Variants in NFIB observed in about 807,000 individuals in gnomAD.
The protein encoded by NFIB is nuclear factor 1 B-type.
NFIB carries 11 observed loss-of-function variants against 61.5 expected under a neutral mutation model. The observed-to-expected ratio is 0.18, with a 90% CI of 0.11 to 0.30. NFIB has a LOEUF of 0.30. Among genes scored for constraint, NFIB ranks in the 10% least tolerant of loss-of-function variants. The pLI, the probability that NFIB is intolerant of heterozygous loss-of-function variation, is 1.00. For missense variants in NFIB, 471 were observed against 608.9 expected, an observed-to-expected ratio of 0.77 and a Z score of 2.38; for synonymous variants, 260 against 216.5, an observed-to-expected ratio of 1.20 and a Z score of -1.76.
chr9:14,323,829 GT>G (rs2060718327), intron 1 of NFIB, among the ~76,000 whole-genome samples: 1 of 152,150 alleles, frequency 6.6e-6, no homozygotes, highest in Non-Finnish European at 1.5e-5. Context: ...CCAAAAAAAA[GT>G]TTTTTCCCCT....
At chr9:14,226,161 T>A (rs2052383486) in intron 2 of NFIB, among the ~76,000 whole-genome samples, 2 of 152,176 alleles carry the variant, frequency 1.3e-5, no homozygotes, top group Non-Finnish European at 2.9e-5. Context: ...ATTTATTCAT[T>A]GAGATACGGA....
At chr9:14,327,659 A>C (rs1025761745) in intron 1 of NFIB, among the ~76,000 whole-genome samples, 1 of 152,194 alleles carries the variant, frequency 6.6e-6, no homozygotes, top group Non-Finnish European at 1.5e-5. Flanking sequence ...AAAACCTTCA[A>C]ATAAACTCTA....
chr9:14,363,208 C>A (rs1268462408), intron 1 of NFIB, among the ~76,000 whole-genome samples: 1 of 152,022 alleles, frequency 6.6e-6, no homozygotes, highest in East Asian at 1.9e-4. Context: ...TACGGACACT[C>A]CCTCACCCCC....
chr9:14,230,552 C>A (rs373225593), intron 2 of NFIB, among the ~76,000 whole-genome samples: 2 of 152,010 alleles, frequency 1.3e-5, no homozygotes, highest in East Asian at 1.9e-4. Context: ...TTTCAAGAAC[C>A]CAGAATAATT....
chr9:14,231,992 A>G (rs1320341986), intron 2 of NFIB, among the ~76,000 whole-genome samples: 1 of 152,196 alleles, frequency 6.6e-6, no homozygotes, highest in Non-Finnish European at 1.5e-5. Flanking sequence ...GGAAAGAAAC[A>G]AGGTCTTCGC....
At chr9:14,167,084 G>GTC (rs1563855843) in intron 3 of NFIB, among the ~76,000 whole-genome samples, 4 of 37,614 alleles carry the variant, frequency 1.1e-4, no homozygotes, top group African/African-American at 3.6e-4. Flanking sequence ...TGTGTGTGTC[G>GTC]GGGGGGGGGG....
At chr9:14,102,447 C>A in intron 10 of NFIB, 1 of 1,550,150 alleles carries the variant, frequency 6.5e-7, no homozygotes, top group Non-Finnish European at 8.7e-7. Context: ...CCCAATGTAT[C>A]CTCACTGGTA....
At chr9:14,225,553 A>AT (rs1440395118) in intron 2 of NFIB, among the ~76,000 whole-genome samples, 2 of 151,362 alleles carry the variant, frequency 1.3e-5, no homozygotes, top group Admixed American at 1.3e-4. Flanking sequence ...GAAGTGATGG[A>AT]TTGTGCCTGG....
intron 2 of NFIB, among the ~76,000 whole-genome samples, chr9:14,251,952 G>A (rs57645250): frequency 2.6e-5 from 4 of 152,188 alleles, no homozygotes; most frequent in Non-Finnish European, 2.9e-5. Context: ...TTTAGTCACC[G>A]TTATCCACCT....
intron 4 of NFIB, among the ~76,000 whole-genome samples, chr9:14,152,257 T>TA (rs2042945932): frequency 6.6e-6 from 1 of 152,110 alleles, no homozygotes; most frequent in Non-Finnish European, 1.5e-5. Flanking sequence ...ACACAGAAAA[T>TA]ACTTGTATCC....
chr9:14,299,115 A>G (rs1299879491), intron 2 of NFIB, among the ~76,000 whole-genome samples: 1 of 152,232 alleles, frequency 6.6e-6, no homozygotes, highest in African/African-American at 2.4e-5. Context: ...TAGCATAGGC[A>G]TAAATGTAAT....
At chr9:14,469,116 A>C in the NFIB span, among the ~76,000 whole-genome samples, 1 of 152,316 alleles carries the variant, frequency 6.6e-6, no homozygotes, top group South Asian at 2.1e-4. Context: ...TGTCTCGATC[A>C]AGACTATTTT....
chr9:14,216,436 T>A (rs2050867840), intron 2 of NFIB, among the ~76,000 whole-genome samples: 1 of 151,886 alleles, frequency 6.6e-6, no homozygotes. Context: ...AGGAGGCAAG[T>A]GGGCTCTGCC....
chr9:14,463,102 T>A, the NFIB span, among the ~76,000 whole-genome samples: 21 of 151,820 alleles, frequency 1.4e-4, no homozygotes, highest in Non-Finnish European at 2.9e-5. Flanking sequence ...TAAATACACA[T>A]GAGAATTAAA....
intron 2 of NFIB, among the ~76,000 whole-genome samples, chr9:14,290,395 A>G (rs1378064859): frequency 6.6e-6 from 1 of 152,110 alleles, no homozygotes; most frequent in African/African-American, 2.4e-5. Flanking sequence ...GCTCAGAGAA[A>G]GTATTGCACG....
intron 2 of NFIB, among the ~76,000 whole-genome samples, chr9:14,211,756 G>A (rs1300371288): frequency 2.6e-5 from 4 of 152,188 alleles, no homozygotes; most frequent in African/African-American, 7.2e-5. Context: ...CAGCCCTCTC[G>A]TAGACTCCAA....
At chr9:14,430,359 GAA>G in the NFIB span, among the ~76,000 whole-genome samples, 1 of 138,802 alleles carries the variant, frequency 7.2e-6, no homozygotes. Context: ...CTCTGAGGAA[GAA>G]AAGAAAAAAA....
At chr9:14,360,042 T>C (rs2061219984) in intron 1 of NFIB, among the ~76,000 whole-genome samples, 1 of 152,242 alleles carries the variant, frequency 6.6e-6, no homozygotes, top group Admixed American at 6.5e-5. Context: ...AAAGTGCTCA[T>C]CTGCACAGAG....
At chr9:14,406,324 C>T in the NFIB span, among the ~76,000 whole-genome samples, 14 of 152,254 alleles carry the variant, frequency 9.2e-5, no homozygotes, top group African/African-American at 3.4e-4. Flanking sequence ...ATGTTTACTG[C>T]AATTATTTTG....
Sources: allele counts gnomAD v4.1 joint callset (sites outside exome capture counted in the v4.1 genomes callset), GRCh38; gene constraint gnomAD v4.1.1; transcripts MANE v1.5; gene names NCBI Gene and HGNC (gene_info 2026-07-23, HGNC 2026-07-21).